Variants in DLGAP2 observed in about 807,000 individuals in gnomAD.
DLGAP2 encodes the protein DLG associated protein 2, also known as disks large-associated protein 2.
A neutral mutation model predicts 100.3 loss-of-function variants in DLGAP2; 26 were observed. The observed-to-expected ratio is 0.26, with a 90% CI of 0.19 to 0.36. DLGAP2 has a LOEUF of 0.36. Among genes scored for constraint, DLGAP2 ranks in the 10% least tolerant of loss-of-function variants. The probability of loss-of-function intolerance (pLI) is 1.00; values close to 1 mark genes in which losing one functional copy is unlikely to be tolerated. For missense variants in DLGAP2, 1,858 were observed against 1,453.2 expected (o/e 1.28, Z -4.53); for synonymous variants, 886 against 630.1 (o/e 1.41, Z -6.08).
chr8:1,376,570 CCTG>C (rs1245326224), intron 3 of DLGAP2, among the ~76,000 whole-genome samples: 1 of 152,178 alleles, frequency 6.6e-6, no homozygotes, highest in Non-Finnish European at 1.5e-5. Flanking sequence ...CTGCTCTCCT[CCTG>C]CTGAAGAAGG....
At chr8:844,550 G>A (rs75081547) in intron 1 of DLGAP2, among the ~76,000 whole-genome samples, 1 of 151,774 alleles carries the variant, frequency 6.6e-6, no homozygotes, top group African/African-American at 2.4e-5. Context: ...GGATCAATAA[G>A]GTAGTACTGG....
At chr8:1,429,421 G>A (rs908236784) in intron 3 of DLGAP2, among the ~76,000 whole-genome samples, 1 of 152,170 alleles carries the variant, frequency 6.6e-6, no homozygotes, top group Non-Finnish European at 1.5e-5. Flanking sequence ...ATGGGGTCCA[G>A]GATTGTGTCT....
Position 1,171,062 on chromosome 8 carries a change from C to T in DLGAP2, c.74-87789C>T, listed in dbSNP as rs889018210. On this transcript the variant is annotated intron_variant, in intron 2 of 14. Transcript: ENST00000637795. Reference sequence around the variant, plus strand: ...CTCTACACACTGCTTTGAATGTGTCCGAGATTCTGGTATGTTGTGTCTTTG... The same window carrying T: ...CTCTACACACTGCTTTGAATGTGTCTGAGATTCTGGTATGTTGTGTCTTTG... Among the ~76,000 whole-genome samples the T allele has an allele frequency of 1.7e-4, 26 of 151,174 alleles. No homozygotes were observed. The East Asian group carries it at 1.9e-3, about 11-fold the overall frequency.
At chr8:1,120,174 C>G (rs896266204) in intron 2 of DLGAP2, among the ~76,000 whole-genome samples, 1 of 152,230 alleles carries the variant, frequency 6.6e-6, no homozygotes, top group Non-Finnish European at 1.5e-5. Context: ...GCTAAGGGTT[C>G]AGCCCCTTCA....
intron 3 of DLGAP2, among the ~76,000 whole-genome samples, chr8:1,360,383 G>C (rs1801956607): frequency 6.6e-6 from 1 of 152,116 alleles, no homozygotes; most frequent in Admixed American, 6.5e-5. Context: ...GCTTTGCGCT[G>C]CGTCTGTCTG....
Position 1,626,915 on chromosome 8 carries a change from G to C in DLGAP2, c.1590+28G>C, listed in dbSNP as rs1467604986. 4 of 1,565,786 alleles carry C rather than the reference G, an allele frequency of 2.6e-6. No homozygotes were observed. In the African/African-American group the frequency reaches 4.1e-5, roughly 16 times the overall value. Reference sequence around the variant, plus strand: ...CAGGGTCCCTTCGCCCTTTCTCCCTGGGGTCCAGTCTCCCCAGCCAGGCTG... The same window carrying C: ...CAGGGTCCCTTCGCCCTTTCTCCCTCGGGTCCAGTCTCCCCAGCCAGGCTG... On this transcript the variant is annotated intron_variant, in intron 7 of 14. Coordinates refer to ENST00000637795, the MANE Select transcript of DLGAP2 (RefSeq NM_001346810.2).
At chr8:1,561,051 G>A (rs887515920) in intron 5 of DLGAP2, among the ~76,000 whole-genome samples, 5 of 152,142 alleles carry the variant, frequency 3.3e-5, no homozygotes, top group African/African-American at 1.2e-4. Context: ...TGAATCATGG[G>A]GTGGGTCTTT....
At chr8:1,299,966 G>C (rs546761676) in intron 3 of DLGAP2, 2 of 152,324 alleles carry the variant, frequency 1.3e-5, no homozygotes, top group African/African-American at 4.8e-5. Context: ...CCTGGCTCCT[G>C]GGGAGGGCCT....
intron 2 of DLGAP2, among the ~76,000 whole-genome samples, chr8:1,187,714 T>C (rs1797540675): frequency 7.0e-6 from 1 of 142,650 alleles, no homozygotes; most frequent in African/African-American, 2.7e-5. Flanking sequence ...GACGTTTCCC[T>C]CACGGAATCT....
intron 2 of DLGAP2, among the ~76,000 whole-genome samples, chr8:1,242,964 T>C (rs963277086): frequency 5.3e-5 from 8 of 152,142 alleles, no homozygotes; most frequent in African/African-American, 1.4e-4. Flanking sequence ...GACAGAACTT[T>C]CTCTGATGAC....
chr8:1,518,123 G>C (rs1800458016), intron 4 of DLGAP2, among the ~76,000 whole-genome samples: 1 of 152,220 alleles, frequency 6.6e-6, no homozygotes, highest in Non-Finnish European at 1.5e-5. Flanking sequence ...CAGTCTGTGG[G>C]CATGTCTAGG....
rs771892643 is a variant in DLGAP2 at position 1,277,770 on chromosome 8, C to T, written c.106+18887C>T. 3.9e-5 allele frequency among the ~76,000 whole-genome samples: 6 copies of T among 152,256 alleles called. No homozygotes were observed. In the South Asian group the frequency reaches 6.2e-4, roughly 16 times the overall value. The stretch of plus-strand genomic sequence containing the variant: ...GGAGCACCCCCACCCTTGGCAGGGC[C>T]GGCTTGCTCTGAAACCTCACCTTTC... On this transcript the variant is annotated intron_variant, in intron 3 of 14. Transcript: ENST00000637795.
At chr8:1,247,072 G>A (rs1798923002) in intron 2 of DLGAP2, 1 of 140,802 alleles carries the variant, frequency 7.1e-6, no homozygotes, top group Non-Finnish European at 1.3e-5. Flanking sequence ...TCAGTGTGTG[G>A]AGTGATGGTC....
At chr8:1,331,990 G>T (rs1444586194) in intron 3 of DLGAP2, among the ~76,000 whole-genome samples, 1 of 152,192 alleles carries the variant, frequency 6.6e-6, no homozygotes, top group Non-Finnish European at 1.5e-5. Context: ...CCCCAGGGTG[G>T]GCCAGGGCTG....
intron 2 of DLGAP2, among the ~76,000 whole-genome samples, chr8:1,043,735 A>G (rs982047772): frequency 2.0e-5 from 3 of 152,036 alleles, no homozygotes; most frequent in African/African-American, 7.3e-5. Context: ...TTAGGTTGTC[A>G]AATAGTAATA....
chr8:1,262,522 A>C (rs980830473), intron 3 of DLGAP2: 1 of 152,150 alleles, frequency 6.6e-6, no homozygotes, highest in Non-Finnish European at 1.5e-5. Flanking sequence ...TGCAGTTTCT[A>C]CAGGGTTCTG....
chr8:1,463,776 G>A (rs1328576412), intron 3 of DLGAP2, among the ~76,000 whole-genome samples: 2 of 152,254 alleles, frequency 1.3e-5, no homozygotes, highest in African/African-American at 2.4e-5. Context: ...CCTGGAGCAC[G>A]GGGTGGGCGA....
At chr8:1,284,965 C>G (rs968926205) in intron 3 of DLGAP2, among the ~76,000 whole-genome samples, 1 of 152,202 alleles carries the variant, frequency 6.6e-6, no homozygotes, top group Non-Finnish European at 1.5e-5. Flanking sequence ...TCTTAGGGCT[C>G]AAAGCCAGCA....
At chr8:783,559 AG>A (rs1291363586) in intron 1 of DLGAP2, among the ~76,000 whole-genome samples, 3 of 152,194 alleles carry the variant, frequency 2.0e-5, no homozygotes, top group Admixed American at 2.0e-4. Flanking sequence ...GTGGCACATC[AG>A]GTTTCTTATA....
Sources: gnomAD v4.1 joint callset for allele counts (sites outside exome capture counted in the v4.1 genomes callset) on GRCh38, gnomAD v4.1.1 for gene constraint, MANE v1.5 for transcripts, NCBI Gene and HGNC (gene_info 2026-07-23, HGNC 2026-07-21) for gene names.